The following CDK12 variants were observed in gnomAD, a reference collection of about 807,000 sequenced individuals.
CDK12 encodes the protein cyclin dependent kinase 12, also known as cyclin-dependent kinase 12.
Under a neutral mutation model 133.8 loss-of-function variants are expected in CDK12, and 17 were observed. The observed-to-expected ratio is 0.13, with a 90% CI of 0.09 to 0.19. The LOEUF is 0.19. Among genes scored for constraint, CDK12 ranks in the 10% least tolerant of loss-of-function variants. The pLI is 1.00. For missense variants in CDK12, 1,508 were observed against 1,818.7 expected, an observed-to-expected ratio of 0.83 and a Z score of 3.11; for synonymous variants, 694 against 683.6, an observed-to-expected ratio of 1.02 and a Z score of -0.24.
rs576166386 is a variant in CDK12 at position 39,525,760 on chromosome 17, A to G, written c.3308-104A>G. The G allele has an allele frequency of 2.0e-5, 16 of 794,342 alleles. No individual in the cohort carries two copies. In the African/African-American group the frequency reaches 2.4e-4, roughly 12 times the overall value. The allele number at this position is 794,342 out of a possible 1,614,324, so 49.2% of individuals were successfully genotyped here. A position where few individuals can be genotyped will look rare whatever the true frequency, so the allele number is the denominator to read the frequency against. ...TGAAAAAATGAGACATTTAAAATGAAATTTCATTTTTTGGATATTGTAAGT... is the reference window on the plus strand; with the variant it reads ...TGAAAAAATGAGACATTTAAAATGAGATTTCATTTTTTGGATATTGTAAGT... On this transcript the variant is annotated intron_variant, in intron 12 of 13. Coordinates refer to ENST00000447079, the MANE Select transcript of CDK12 (RefSeq NM_016507.4).
At chr17:39,539,863 G>C (rs181517061) in intron 1 of CDK12, among the ~76,000 whole-genome samples, 2 of 152,344 alleles carry the variant, frequency 1.3e-5, no homozygotes, top group East Asian at 3.9e-4. Context: ...TCTCATGGAA[G>C]AGGGCTCATG....
At chr17:39,481,019 C>T (rs550462320) in intron 2 of CDK12, among the ~76,000 whole-genome samples, 16 of 151,994 alleles carry the variant, frequency 1.1e-4, no homozygotes, top group Middle Eastern at 3.4e-3. Context: ...TTTGGGAGGC[C>T]GAGGCCGGCG....
intron 13 of CDK12, among the ~76,000 whole-genome samples, chr17:39,528,739 G>A (rs902422547): frequency 6.6e-6 from 1 of 152,194 alleles, no homozygotes; most frequent in African/African-American, 2.4e-5. Context: ...AAAAGGCACA[G>A]TTTGAATACA....
At chr17:39,522,738 T>G (rs1301980645) in intron 11 of CDK12, among the ~76,000 whole-genome samples, 1 of 152,012 alleles carries the variant, frequency 6.6e-6, no homozygotes, top group African/African-American at 2.4e-5. Context: ...CCAGCCAGAT[T>G]ACTGAATTTT....
intron 2 of CDK12, among the ~76,000 whole-genome samples, chr17:39,477,999 C>T (rs2050352697): frequency 6.6e-6 from 1 of 151,820 alleles, no homozygotes; most frequent in African/African-American, 2.4e-5. Context: ...AGCCACTGCA[C>T]CGGGCCCATC....
chr17:39,462,098 C>T lies in CDK12; in HGVS notation c.27C>T (p.Gly9=), dbSNP rs1490354466. MPNSERHG[G]KKDGSGGASG... Reference sequence around the variant, plus strand: ...TGCCCAATTCAGAGAGACATGGGGGCAAGAAGGACGGGAGTGGAGGAGCTT... The same window carrying T: ...TGCCCAATTCAGAGAGACATGGGGGTAAGAAGGACGGGAGTGGAGGAGCTT... The change falls in exon 1 of 14, where the codon GGC becomes GGT. Residue 9 remains glycine (G), a synonymous_variant. Transcript: ENST00000447079. 2 of 1,613,986 alleles carry T rather than the reference C, an allele frequency of 1.2e-6. No homozygotes were observed. The highest frequency in any genetic ancestry group is 1.7e-6 in the Non-Finnish European group (2 of 1,179,932).
upstream of CDK12, among the ~76,000 whole-genome samples, chr17:39,543,530 G>T (rs2055529955): frequency 6.6e-6 from 1 of 152,202 alleles, no homozygotes; most frequent in African/African-American, 2.4e-5. Context: ...GGCATCATTG[G>T]GCAGATTAGA....
downstream of CDK12, chr17:39,566,805 G>A (rs2056590578): frequency 6.6e-6 from 1 of 152,480 alleles, no homozygotes; most frequent in Non-Finnish European, 1.5e-5. Flanking sequence ...TCCAGAAGCA[G>A]ACCCAGAATG....
In CDK12 at chr17:39,462,497, G is replaced by T; in HGVS notation, c.426G>T (p.Ser142=). The T allele has an allele frequency of 1.2e-6, 2 of 1,614,102 alleles. No individual in the cohort carries two copies. Among genetic ancestry groups the T allele is most frequent in the South Asian group, 2.2e-5 (2 of 91,080 alleles). The change falls in exon 1 of 14, where the codon TCG becomes TCT. Residue 142 remains serine (S), a synonymous_variant. Transcript: ENST00000447079. ...KSQEVSSKSG[S]MKDRISGSSK... ...AAGAAGTCTCCAGCAAGTCGGGATC[G>T]ATGAAGGACCGGATATCGGGAAGTT...
At chr17:39,474,153 CTTTG>C (rs1346133215) in intron 2 of CDK12, among the ~76,000 whole-genome samples, 2 of 152,146 alleles carry the variant, frequency 1.3e-5, no homozygotes, top group Non-Finnish European at 2.9e-5. Context: ...TGATGGCAGT[CTTTG>C]TGTTATGGTT....
intron 6 of CDK12, among the ~76,000 whole-genome samples, chr17:39,509,266 G>T (rs1054260648): frequency 1.3e-5 from 2 of 152,126 alleles, no homozygotes; most frequent in African/African-American, 4.8e-5. Flanking sequence ...GACTACAGGT[G>T]TGAGCCACCA....
At chr17:39,522,307 G>C (rs964565668) in intron 11 of CDK12, among the ~76,000 whole-genome samples, 2 of 151,790 alleles carry the variant, frequency 1.3e-5, no homozygotes, top group African/African-American at 4.8e-5. Flanking sequence ...GACTGGTCTT[G>C]AAGTCCCGAC....
At chr17:39,494,328 C>T (rs1351679683) in intron 4 of CDK12, among the ~76,000 whole-genome samples, 196 bp from the exon 5 acceptor site, 2 of 152,198 alleles carry the variant, frequency 1.3e-5, no homozygotes, top group East Asian at 3.9e-4. Flanking sequence ...AGGCCTTGGC[C>T]TCCCAAAGTG....
chr17:39,473,507 C>G (rs948830284), intron 2 of CDK12, among the ~76,000 whole-genome samples: 1 of 152,000 alleles, frequency 6.6e-6, no homozygotes, highest in Non-Finnish European at 1.5e-5. Flanking sequence ...TCTGGAAAGC[C>G]GAGGTAGATA....
chr17:39,462,414 C>A lies in CDK12; in HGVS notation c.343C>A (p.Gln115Lys), dbSNP rs1218924913. 6.2e-7 allele frequency: 1 copy of A among 1,614,128 alleles called. No homozygotes were observed. The highest frequency in any genetic ancestry group is 8.5e-7 in the Non-Finnish European group (1 of 1,180,026). The part of the protein sequence containing the change: ...SDRLHKHRHH[Q>K]HRRSRDLLKA... ...CCGCCTGCACAAACATCGTCACCAC[C>A]AGCACAGGCGTTCCCGGGACTTACT... The change falls in exon 1 of 14, where the codon CAG becomes AAG. Residue 115 changes from glutamine to lysine, a missense_variant. By Grantham distance (53) the Gln-to-Lys change is moderately conservative. Around this residue, in one of 9 missense-constraint regions of CDK12, gnomAD observed 460 missense variants for 490.8 expected, o/e 0.94. Transcript: ENST00000447079.
At position 39,528,909 on chromosome 17, in the gene CDK12, TAG is replaced by T. The variant is rs149913936; in HGVS notation, c.3761-1690_3761-1689del. On this transcript the variant is annotated intron_variant, in intron 13 of 13. Transcript: ENST00000447079. ...TAACTGGTACAGTGATGTCCTTATA[TAG>T]AGAGTGTTGAAAGCAAAAGGCTCTG... 3.4e-3 allele frequency among the ~76,000 whole-genome samples: 523 copies of T among 152,354 alleles called. 24 individuals are homozygous for T. The East Asian group carries it at 0.078, about 23-fold the overall frequency.
chr17:39,461,872 C>G lies in CDK12; in HGVS notation c.-200C>G. The G allele has an allele frequency of 1.7e-6, 1 of 590,866 alleles. No homozygotes were observed. The highest frequency in any genetic ancestry group is 3.0e-6 in the Non-Finnish European group (1 of 330,418). 36.6% of individuals were successfully genotyped at this position (590,866 alleles called of 1,614,324 possible). A position where few individuals can be genotyped will look rare whatever the true frequency, so the allele number is the denominator to read the frequency against. On this transcript the variant is annotated 5_prime_UTR_variant, in exon 1 of 14. Transcript: ENST00000447079. ...GCCGAGGAACTCTCATTTCTTCCCT[C>G]GCTCCTTCACCCCCCACCTCATGTA...
At chr17:39,478,295 G>T (rs947695852) in intron 2 of CDK12, among the ~76,000 whole-genome samples, 3 of 151,368 alleles carry the variant, frequency 2.0e-5, no homozygotes, top group African/African-American at 7.3e-5. Flanking sequence ...GGGTTCACAT[G>T]ACTCTCCTGC....
At chr17:39,507,362 G>T (rs530420339) in intron 6 of CDK12, among the ~76,000 whole-genome samples, 2 of 151,328 alleles carry the variant, frequency 1.3e-5, no homozygotes, top group African/African-American at 2.4e-5. Flanking sequence ...CGAGGCAGGC[G>T]GATCACCTGA....
Sources: allele counts gnomAD v4.1 joint callset (sites outside exome capture counted in the v4.1 genomes callset), GRCh38; gene constraint gnomAD v4.1.1; regional missense constraint gnomAD v4.1.1; transcripts MANE v1.5; gene names NCBI Gene and HGNC (gene_info 2026-07-23, HGNC 2026-07-21).